Variants in CDK8 observed in about 807,000 individuals in gnomAD.
CDK8 encodes the protein cyclin dependent kinase 8, also known as cyclin-dependent kinase 8.
CDK8 carries 29 observed loss-of-function variants against 71.5 expected under a neutral mutation model. That is an observed-to-expected ratio of 0.41 (90% CI 0.30 to 0.55). The LOEUF (loss-of-function observed/expected upper bound fraction) is 0.55. CDK8 is among the 20% of genes least tolerant of loss of function. The pLI is 0.37. For missense variants in CDK8, 288 were observed against 572.6 expected (o/e 0.50, Z 5.07); for synonymous variants, 161 against 192.1 (o/e 0.84, Z 1.34).
intron 1 of CDK8, among the ~76,000 whole-genome samples, chr13:26,283,074 TAAGAA>T (rs2137888462): frequency 6.6e-6 from 1 of 152,240 alleles, no homozygotes; most frequent in South Asian, 2.1e-4. Context: ...CTACTAGACT[TAAGAA>T]ATGGGATAGA....
At chr13:26,317,840 C>T (rs941859159) in intron 1 of CDK8, among the ~76,000 whole-genome samples, 7 of 151,858 alleles carry the variant, frequency 4.6e-5, no homozygotes, top group Non-Finnish European at 8.8e-5. Flanking sequence ...CCTTAAAAAA[C>T]AAGAAAGATC....
chr13:26,353,647 C>A, intron 3 of CDK8, 93 bp from the exon 4 acceptor site: 2 of 974,446 alleles, frequency 2.1e-6, no homozygotes, highest in Non-Finnish European at 3.0e-6. Context: ...ATGGGAATCC[C>A]TGAGTGTTTC....
chr13:26,386,041 A>G (rs917717330), intron 6 of CDK8, among the ~76,000 whole-genome samples: 1 of 152,332 alleles, frequency 6.6e-6, no homozygotes, highest in African/African-American at 2.4e-5. Flanking sequence ...ATGAAAAACA[A>G]TTTAGCACTT....
At chr13:26,390,695 G>C (rs1163174178) in intron 6 of CDK8, among the ~76,000 whole-genome samples, 2 of 152,006 alleles carry the variant, frequency 1.3e-5, no homozygotes, top group Non-Finnish European at 1.5e-5. Context: ...CTGCTAAGTG[G>C]GAAATACACA....
chr13:26,383,085 A>G (rs1452723178), intron 5 of CDK8, among the ~76,000 whole-genome samples: 1 of 152,194 alleles, frequency 6.6e-6, no homozygotes, highest in Non-Finnish European at 1.5e-5. Flanking sequence ...TAATTATGAA[A>G]CCGTGCAAGT....
In CDK8 at chr13:26,254,241, T is replaced by G. The variant is rs1871405458; in HGVS notation, c.-401T>G. 3.6e-6 allele frequency: 1 copy of G among 274,318 alleles called. No homozygotes were observed. 17.0% of individuals were successfully genotyped at this position (274,318 alleles called of 1,614,324 possible). A position where few individuals can be genotyped will look rare whatever the true frequency, so the allele number is the denominator to read the frequency against. ...AGAGCGTGAGGCGTGAGTGCGCGTG[T>G]GAGAGGACGAGAGCCCGCCTGGCCG... is the stretch of plus-strand genomic sequence containing the variant. On this transcript the variant is annotated 5_prime_UTR_variant, in exon 1 of 13. Transcript: ENST00000381527. This position sits in a 1 kb window ranked among gnomAD's most constrained non-coding sequence, Gnocchi z 6.7.
chr13:26,303,652 T>C (rs542419828), intron 1 of CDK8, among the ~76,000 whole-genome samples: 1 of 152,362 alleles, frequency 6.6e-6, no homozygotes, highest in Non-Finnish European at 1.5e-5. Context: ...TGAACATTTA[T>C]GATCTTACAT....
chr13:26,265,969 A>G (rs986065182), intron 1 of CDK8, among the ~76,000 whole-genome samples: 1 of 152,162 alleles, frequency 6.6e-6, no homozygotes, highest in African/African-American at 2.4e-5. Context: ...CAGGTGAGAG[A>G]TGCTAGTGAC....
At position 26,373,651 on chromosome 13, in the gene CDK8, A is replaced by T. The variant is rs142712671; in HGVS notation, c.457-9163A>T. Among the ~76,000 whole-genome samples the T allele has an allele frequency of 6.6e-3, 1,003 of 152,314 alleles. 10 individuals carry two copies. The highest frequency in any genetic ancestry group is 0.021 in the African/African-American group (868 of 41,568). On this transcript the variant is annotated intron_variant, in intron 4 of 12. Coordinates refer to ENST00000381527, the MANE Select transcript of CDK8 (RefSeq NM_001260.3). ...TGTTATGTAGTCATTAAAAATTTTG[A>T]TAAGTTTAAATAATGTTTCAGTGTT...
chr13:26,298,591 A>T (rs1194638867), intron 1 of CDK8, among the ~76,000 whole-genome samples: 1 of 152,164 alleles, frequency 6.6e-6, no homozygotes. Flanking sequence ...GTAGATTTCC[A>T]ACAAGGAAAG....
At chr13:26,377,409 A>T (rs1457725244) in intron 4 of CDK8, among the ~76,000 whole-genome samples, 1 of 152,246 alleles carries the variant, frequency 6.6e-6, no homozygotes, top group East Asian at 1.9e-4. Flanking sequence ...GTGCCTCTTA[A>T]TTCAGTGAAC....
chr13:26,324,741 C>A (rs1175704), intron 1 of CDK8: 372,764 of 418,216 alleles, frequency 0.89, 168,727 homozygotes, highest in East Asian at 0.99. Flanking sequence ...TCTTGAAGAT[C>A]CAATAAGTTT....
intron 1 of CDK8, among the ~76,000 whole-genome samples, chr13:26,336,122 T>TAC (rs111361937): frequency 0.76 from 113,358 of 148,586 alleles, 45,981 homozygotes; most frequent in East Asian, 0.91. Flanking sequence ...TACACAAACA[T>TAC]ACACACACAC....
At chr13:26,378,541 A>G (rs564613480) in intron 4 of CDK8, among the ~76,000 whole-genome samples, 16 of 152,202 alleles carry the variant, frequency 1.1e-4, no homozygotes, top group Non-Finnish European at 1.9e-4. Flanking sequence ...TCAGATGGCA[A>G]TCAAGGATGA....
chr13:26,353,806 G>A lies in CDK8; in HGVS notation c.382G>A (p.Val128Met). The A allele has an allele frequency of 6.2e-7, 1 of 1,612,936 alleles. No individual in the cohort carries two copies. The highest frequency in any genetic ancestry group is 1.3e-5 in the African/African-American group (1 of 74,990). Residue 128 changes from valine to methionine, a missense_variant, in exon 4 of 13, where the codon GTG (valine) becomes ATG (methionine). Transcript: ENST00000381527. ...KKPVQLPRGMVKSLLYQILDG... is the reference protein window; with the variant it reads ...KKPVQLPRGMMKSLLYQILDG... ...GCCAGTTCAGTTACCTCGGGGAATG[G>A]TGAAGTCACTATTATATCAGATCCT...
intron 10 of CDK8, 75 bp downstream of exon 10, chr13:26,400,625 T>C: frequency 1.1e-6 from 1 of 881,564 alleles, no homozygotes; most frequent in Non-Finnish European, 1.9e-6. Flanking sequence ...TGTCAGCTCT[T>C]AAGTTGCTCC....
intron 1 of CDK8, among the ~76,000 whole-genome samples, chr13:26,277,652 T>C (rs1872604216): frequency 6.6e-6 from 1 of 152,154 alleles, no homozygotes; most frequent in South Asian, 2.1e-4. Context: ...TGTGATCATA[T>C]AGGTAAGTTG....
At position 26,308,577 on chromosome 13, in the gene CDK8, C is replaced by T. The variant is rs141452557; in HGVS notation, c.129-28990C>T. ...TTATAAATGTACATAAGTTTTGGTC[C>T]CTGTTAGTATTACATAAATTACCTT... is the stretch of plus-strand genomic sequence containing the variant. On this transcript the variant is annotated intron_variant, in intron 1 of 12. Transcript: ENST00000381527. 6.2e-4 allele frequency among the ~76,000 whole-genome samples: 94 copies of T among 152,224 alleles called. 1 individual carries two copies. The East Asian group carries it at 0.016, about 26-fold the overall frequency.
intron 1 of CDK8, among the ~76,000 whole-genome samples, chr13:26,332,837 T>C (rs1368119181): frequency 1.3e-5 from 2 of 152,208 alleles, no homozygotes; most frequent in Non-Finnish European, 2.9e-5. Context: ...GCTTGTCTTA[T>C]CCAGCTTCAT....
Sources: allele counts gnomAD v4.1 joint callset (sites outside exome capture counted in the v4.1 genomes callset), GRCh38; gene constraint gnomAD v4.1.1; non-coding constraint Gnocchi (gnomAD v3.1); transcripts MANE v1.5; gene names NCBI Gene and HGNC (gene_info 2026-07-23, HGNC 2026-07-21).